Variants in CACNA1B observed in about 807,000 individuals in gnomAD.
CACNA1B encodes calcium voltage-gated channel subunit alpha1 B.
CACNA1B carries 70 observed loss-of-function variants against 247.2 expected under a neutral mutation model. The ratio of observed to expected loss-of-function variants is 0.28; its 90% CI spans 0.23 to 0.35. The LOEUF is 0.35. CACNA1B is among the 10% of genes least tolerant of loss of function. The pLI is 1.00. For missense variants in CACNA1B, 2,367 were observed against 3,197.4 expected (o/e 0.74, Z 6.26); for synonymous variants, 1,231 against 1,294.4 (o/e 0.95, Z 1.05).
chr9:137,926,939 C>T (rs1957557787), intron 6 of CACNA1B, among the ~76,000 whole-genome samples: 1 of 152,062 alleles, frequency 6.6e-6, no homozygotes, highest in Non-Finnish European at 1.5e-5. Flanking sequence ...GAGTATAATC[C>T]TTTTCAGATA....
chr9:138,113,159 A>G (rs1419008204), intron 40 of CACNA1B, among the ~76,000 whole-genome samples: 1 of 138,472 alleles, frequency 7.2e-6, no homozygotes, highest in African/African-American at 2.8e-5. Context: ...GCCCAACTCC[A>G]TCTTATGGGA....
chr9:138,090,457 T>A (rs777741841), intron 36 of CACNA1B, among the ~76,000 whole-genome samples: 6 of 151,736 alleles, frequency 4.0e-5, no homozygotes, highest in Non-Finnish European at 1.5e-5. Flanking sequence ...TCTACTAGAA[T>A]AAAATACAGG....
chr9:138,116,927 G>C (rs952781807), intron 42 of CACNA1B, among the ~76,000 whole-genome samples: 3 of 152,208 alleles, frequency 2.0e-5, no homozygotes, highest in Non-Finnish European at 4.4e-5. Context: ...AAAGGATGGG[G>C]CTTCTCAGAA....
intron 32 of CACNA1B, among the ~76,000 whole-genome samples, chr9:138,071,678 A>C (rs1044386942): frequency 6.6e-6 from 1 of 152,176 alleles, no homozygotes; most frequent in Non-Finnish European, 1.5e-5. Flanking sequence ...TCATGCATTA[A>C]GTAATTTGGA....
rs879898506 is a variant in CACNA1B at position 138,023,586 on chromosome 9, C to G, written c.2843C>G (p.Ala948Gly). Residue 948 changes from alanine (A) to glycine (G), a missense_variant, in exon 19 of 47, where the codon GCC becomes GGC. This residue lies in a region of CACNA1B where 631 missense variants were observed against 631.1 expected (regional missense o/e 1.00). Transcript: ENST00000371372. ...CACCAGGATCCGAGCAAGGAGTGCG[C>G]CGGCGCCAAGGGCGAGCGGCGCGCG... ...HRHQDPSKECAGAKGERRARH... is the reference protein window; with the variant it reads ...HRHQDPSKECGGAKGERRARH... 3.7e-6 allele frequency: 4 copies of G among 1,080,368 alleles called. No individual in the cohort carries two copies. The highest frequency in any genetic ancestry group is 8.4e-5 in the East Asian group (1 of 11,844). 66.9% of individuals were successfully genotyped at this position (1,080,368 alleles called of 1,614,324 possible).
Position 138,023,287 on chromosome 9 carries a change from G to T in CACNA1B, c.2544G>T (p.Pro848=), listed in dbSNP as rs200029127. 7.9e-6 allele frequency: 12 copies of T among 1,516,104 alleles called. No homozygotes were observed. The highest frequency in any genetic ancestry group is 2.6e-5 in the East Asian group (1 of 38,086). 93.9% of individuals were successfully genotyped at this position (1,516,104 alleles called of 1,614,324 possible). The part of the protein sequence containing the change: ...AAEAPEGVDP[P]RRHHRHRDKD... ...AGGCCCCCGAGGGCGTCGACCCTCC[G>T]CGCAGGCACCACCGGCACCGCGACA... The change falls in exon 19 of 47, where the codon CCG becomes CCT. Residue 848 remains proline (P), a synonymous_variant. Transcript: ENST00000371372.
chr9:137,959,038 C>G (rs1262569014), intron 10 of CACNA1B, among the ~76,000 whole-genome samples: 1 of 151,938 alleles, frequency 6.6e-6, no homozygotes, highest in Non-Finnish European at 1.5e-5. Context: ...TATCATAGAT[C>G]TGAATGTTTT....
Position 137,986,288 on chromosome 9 carries a change from T to G in CACNA1B, c.1770-125T>G, listed in dbSNP as rs1020696885. The G allele has an allele frequency of 1.5e-4, 160 of 1,054,304 alleles. No homozygotes were observed. The East Asian group carries it at 4.0e-3, about 27-fold the overall frequency. 65.3% of individuals were successfully genotyped at this position (1,054,304 alleles called of 1,614,324 possible). Reference sequence around the variant, plus strand: ...TGAAACTCCAGAGAAAAGCTCTAACTTCACACCTAGGTGTGCAGCCCTCAG... The same window carrying G: ...TGAAACTCCAGAGAAAAGCTCTAACGTCACACCTAGGTGTGCAGCCCTCAG... On this transcript the variant is annotated intron_variant, in intron 13 of 46. Coordinates refer to ENST00000371372, the MANE Select transcript of CACNA1B (RefSeq NM_000718.4). This position sits in a 1 kb window ranked among gnomAD's most constrained non-coding sequence, Gnocchi z 6.0.
intron 41 of CACNA1B, 49 bp downstream of exon 41, chr9:138,114,539 C>A: frequency 1.1e-6 from 1 of 921,358 alleles, no homozygotes; most frequent in Non-Finnish European, 1.7e-6. Flanking sequence ...GCCTCCGAGG[C>A]TCTGGCATCC....
At position 138,057,076 on chromosome 9, in the gene CACNA1B, T is replaced by C. The variant is rs1050601731; in HGVS notation, c.3969-656T>C. Reference sequence around the variant, plus strand: ...TCAGCCTCCCGAGTAGCTGGGACTATAGGCGCCCGCCACCACGCCCGGCTA... The same window carrying C: ...TCAGCCTCCCGAGTAGCTGGGACTACAGGCGCCCGCCACCACGCCCGGCTA... On this transcript the variant is annotated intron_variant, in intron 26 of 46. Transcript: ENST00000371372. The surrounding 1 kb of genome is among the most constrained non-coding windows in gnomAD (Gnocchi z 4.0). 6.6e-6 allele frequency among the ~76,000 whole-genome samples: 1 copy of C among 151,614 alleles called. No individual in the cohort carries two copies. Among genetic ancestry groups the C allele is most frequent in the Non-Finnish European group, 1.5e-5 (1 of 67,902 alleles).
intron 19 of CACNA1B, among the ~76,000 whole-genome samples, chr9:138,024,646 T>C (rs1958897812): frequency 6.6e-6 from 1 of 152,158 alleles, no homozygotes; most frequent in Admixed American, 6.5e-5. Flanking sequence ...ATTATTATTA[T>C]TGGAGACAGG....
intron 20 of CACNA1B, chr9:138,032,634 A>G (rs901522830): frequency 6.7e-6 from 3 of 449,060 alleles, no homozygotes; most frequent in African/African-American, 4.1e-5. Flanking sequence ...CCTGAAGGGT[A>G]TTTTCAGTGG....
intron 3 of CACNA1B, among the ~76,000 whole-genome samples, chr9:137,908,800 T>A (rs1375232375): frequency 6.9e-6 from 1 of 145,066 alleles, no homozygotes; most frequent in East Asian, 2.2e-4. Flanking sequence ...CTGGCTAATT[T>A]TTTTGTATTT....
intron 6 of CACNA1B, among the ~76,000 whole-genome samples, chr9:137,929,371 T>C (rs1018710578): frequency 6.6e-6 from 1 of 151,410 alleles, no homozygotes; most frequent in African/African-American, 2.4e-5. Flanking sequence ...CTGGGCACCA[T>C]AGCAAGACCC....
intron 3 of CACNA1B, among the ~76,000 whole-genome samples, chr9:137,896,100 G>A (rs1349800038): frequency 2.0e-5 from 3 of 152,080 alleles, no homozygotes; most frequent in African/African-American, 7.2e-5. Flanking sequence ...TTAGCCGGGT[G>A]TGGTGGCAGG....
At chr9:138,115,466 C>A in intron 41 of CACNA1B, 86 bp from the exon 42 acceptor site, 1 of 1,428,420 alleles carries the variant, frequency 7.0e-7, no homozygotes, top group Non-Finnish European at 9.5e-7. Flanking sequence ...CTGGCTTTTG[C>A]CCCATGCCAC....
chr9:138,096,622 C>T lies in CACNA1B; in HGVS notation c.5222+11C>T, dbSNP rs754615618. The T allele has an allele frequency of 9.3e-6, 15 of 1,609,510 alleles. No homozygotes were observed. The highest frequency in any genetic ancestry group is 1.6e-4 in the Middle Eastern group (1 of 6,076). ...CGACCCGGCTGCGTGGTAAGTGAGC[C>T]GTGGTGCTCTGTGGTCCTTGGGGGT... On this transcript the variant is annotated intron_variant, in intron 37 of 46. Coordinates refer to ENST00000371372, the MANE Select transcript of CACNA1B (RefSeq NM_000718.4).
Position 138,050,113 on chromosome 9 carries a change from G to GC in CACNA1B, c.3710+802dup, listed in dbSNP as rs1452362778. On this transcript the variant is annotated intron_variant, in intron 24 of 46. Transcript: ENST00000371372. This position sits in a 1 kb window ranked among gnomAD's most constrained non-coding sequence, Gnocchi z 5.2. Reference sequence around the variant, plus strand: ...TAATGCCTTCTCTCCCCCACACGCTGCCCCTGACATCACAGCATTCCAGCA... The same window carrying GC: ...TAATGCCTTCTCTCCCCCACACGCTGCCCCCTGACATCACAGCATTCCAGCA... The GC allele has an allele frequency of 1.1e-5, 14 of 1,285,854 alleles. No homozygotes were observed. The highest frequency in any genetic ancestry group is 1.4e-5 in the Non-Finnish European group (14 of 985,396). The allele number at this position is 1,285,854 out of a possible 1,614,324, so 79.7% of individuals were successfully genotyped here. A position where few individuals can be genotyped will look rare whatever the true frequency, so the allele number is the denominator to read the frequency against.
chr9:138,097,908 C>G (rs1006071458), intron 37 of CACNA1B, among the ~76,000 whole-genome samples: 5 of 152,220 alleles, frequency 3.3e-5, no homozygotes, highest in Non-Finnish European at 7.3e-5. Flanking sequence ...CTCCTTTCCA[C>G]TCAGCCTCCC....
Sources: allele counts gnomAD v4.1 joint callset (sites outside exome capture counted in the v4.1 genomes callset), GRCh38; gene constraint gnomAD v4.1.1; regional missense constraint gnomAD v4.1.1; non-coding constraint Gnocchi (gnomAD v3.1); transcripts MANE v1.5; gene names NCBI Gene and HGNC (gene_info 2026-07-23, HGNC 2026-07-21).